Variants in PCGF2 observed in about 807,000 individuals in gnomAD.
The protein encoded by PCGF2 is polycomb group RING finger protein 2.
In PCGF2, 8 loss-of-function variants were observed where a neutral mutation model predicts 36.1. The observed-to-expected ratio is 0.22, with a 90% CI of 0.13 to 0.40. The LOEUF (loss-of-function observed/expected upper bound fraction) is 0.40, where lower values mean the gene tolerates loss of function less well. Ranked by LOEUF, PCGF2 falls within the 10% of genes least tolerant of loss-of-function variation. PCGF2 has a pLI of 1.00. For missense variants in PCGF2, 436 were observed against 475.9 expected (o/e 0.92, Z 0.78); for synonymous variants, 198 against 191.2 (o/e 1.04, Z -0.29).
At chr17:38,745,286 T>C (rs228230) in intron 2 of PCGF2, among the ~76,000 whole-genome samples, 38,921 of 151,832 alleles carry the variant, frequency 0.26, 5,489 homozygotes, top group East Asian at 0.56. Flanking sequence ...GAGCCGAGAT[T>C]GCGCCACTGC....
In PCGF2 at chr17:38,739,286, G is replaced by T; in HGVS notation, c.210-33C>A. On this transcript the variant is annotated intron_variant, in intron 4 of 10. Coordinates refer to ENST00000620225, the MANE Select transcript of PCGF2 (RefSeq NM_007144.3). This position sits in a 1 kb window ranked among gnomAD's most constrained non-coding sequence, Gnocchi z 4.0. ...AAAATGGACAGGGCTTATCAGCAAT[G>T]CCTTCTCCAGAGCGCTCCGACCTCG... is the stretch of plus-strand genomic sequence containing the variant. 1 of 1,596,762 alleles carries T rather than the reference G, an allele frequency of 6.3e-7. No homozygotes were observed. Among genetic ancestry groups the T allele is most frequent in the Non-Finnish European group, 8.6e-7 (1 of 1,164,788 alleles).
At chr17:38,737,320 AC>A (rs1906849006) in intron 9 of PCGF2, among the ~76,000 whole-genome samples, 2 of 151,642 alleles carry the variant, frequency 1.3e-5, no homozygotes, top group Admixed American at 1.3e-4. Context: ...AAAATTAGCC[AC>A]GTGTGGTGGC....
intron 9 of PCGF2, among the ~76,000 whole-genome samples, chr17:38,736,527 C>T (rs1297770485): frequency 1.3e-5 from 2 of 152,050 alleles, no homozygotes; most frequent in East Asian, 1.9e-4. Context: ...TGGAATCACC[C>T]AGGGAGCTTT....
intron 9 of PCGF2, among the ~76,000 whole-genome samples, chr17:38,737,714 C>A (rs1906873628): frequency 6.6e-6 from 1 of 151,740 alleles, no homozygotes; most frequent in Non-Finnish European, 1.5e-5. Flanking sequence ...GAGTTTAAGA[C>A]CAGCCTGGCC....
rs779556080 is a variant in PCGF2, at chr17:38,740,429, T to C, written c.-27A>G. On this transcript the variant is annotated 5_prime_UTR_variant, in exon 3 of 11. Transcript: ENST00000620225. Reference sequence around the variant, plus strand: ...ATTCCGGGGTCGGGGGTGGGGGGACTGGGGAGCGTTGCCCTGGGAAACGGA... The same window carrying C: ...ATTCCGGGGTCGGGGGTGGGGGGACCGGGGAGCGTTGCCCTGGGAAACGGA... 3 of 677,254 alleles carry C rather than the reference T, an allele frequency of 4.4e-6. No homozygotes were observed. The highest frequency in any genetic ancestry group is 4.8e-6 in the Non-Finnish European group (2 of 415,296). 42.0% of individuals were successfully genotyped at this position (677,254 alleles called of 1,614,324 possible).
intron 2 of PCGF2, among the ~76,000 whole-genome samples, chr17:38,746,280 T>G (rs1907529256): frequency 6.8e-6 from 1 of 147,096 alleles, no homozygotes; most frequent in African/African-American, 2.5e-5. Context: ...TCACACTCAC[T>G]ACACACAAGG....
In PCGF2 at chr17:38,740,276, C is replaced by T; in HGVS notation, c.112+15G>A. 6.2e-7 allele frequency: 1 copy of T among 1,610,214 alleles called. No individual in the cohort carries two copies. Among genetic ancestry groups the T allele is most frequent in the Non-Finnish European group, 8.5e-7 (1 of 1,176,454 alleles). On this transcript the variant is annotated intron_variant, in intron 3 of 10. Transcript: ENST00000620225. ...AGGCTGCCCACCCTGAGCAGCTCCC[C>T]TCCCCCCAACTCACAGGAATGCAGG...
At chr17:38,743,460 G>C (rs1811251) in intron 2 of PCGF2, among the ~76,000 whole-genome samples, 1 of 151,610 alleles carries the variant, frequency 6.6e-6, no homozygotes, top group Non-Finnish European at 1.5e-5. Flanking sequence ...CCCTCACCCA[G>C]TCACTTCCCC....
At position 38,734,332 on chromosome 17, in the gene PCGF2, C is replaced by G. The variant is rs1019205984; in HGVS notation, c.*891G>C. 8.5e-5 allele frequency: 13 copies of G among 152,418 alleles called. No individual in the cohort carries two copies. The highest frequency in any genetic ancestry group is 1.0e-4 in the Non-Finnish European group (7 of 68,032). 9.4% of individuals were successfully genotyped at this position (152,418 alleles called of 1,614,324 possible). ...CTGTGCTTGTGTGAGGTTAACCCAC[C>G]CCCACTTCCACTCTAGGCCCCAGGT... On this transcript the variant is annotated 3_prime_UTR_variant, in exon 11 of 11. Transcript: ENST00000620225.
upstream of PCGF2, chr17:38,749,454 C>G (rs2143181355): frequency 2.8e-6 from 1 of 357,690 alleles, no homozygotes; most frequent in African/African-American, 2.1e-5. This position sits in a 1 kb window ranked among gnomAD's most constrained non-coding sequence, Gnocchi z 6.5. Context: ...GTGAGGCCGA[C>G]GCCGGGGAAG....
In PCGF2 at chr17:38,738,932, T is replaced by C. The variant is rs1302408425; in HGVS notation, c.317-71A>G. 3.9e-6 allele frequency: 6 copies of C among 1,541,738 alleles called. No homozygotes were observed. In the Admixed American group the frequency reaches 5.0e-5, roughly 13 times the overall value. ...GAGCCCGCCAAGGACCCAGAGATCATGAACTCAGCCAGGTGAGCCCAGCCA... is the reference window on the plus strand; with the variant it reads ...GAGCCCGCCAAGGACCCAGAGATCACGAACTCAGCCAGGTGAGCCCAGCCA... On this transcript the variant is annotated intron_variant, in intron 6 of 10. Transcript: ENST00000620225.
chr17:38,736,648 CGT>C lies in PCGF2; in HGVS notation c.577-480_577-479del, dbSNP rs1567939287. On this transcript the variant is annotated intron_variant, in intron 9 of 10. Coordinates refer to ENST00000620225, the MANE Select transcript of PCGF2 (RefSeq NM_007144.3). Reference sequence around the variant, plus strand: ...AGGAGATCGAGACCATCCTGGCTAACGTGGTGAAACCCCGTCTCTACTAAAAA... The same window carrying C: ...AGGAGATCGAGACCATCCTGGCTAACGGTGAAACCCCGTCTCTACTAAAAA... Among the ~76,000 whole-genome samples, 55 of 151,946 alleles carry C rather than the reference CGT, an allele frequency of 3.6e-4. No individual in the cohort carries two copies. In the South Asian group the frequency reaches 4.4e-3, roughly 12 times the overall value.
At chr17:38,748,991 G>A (rs867546174), upstream of PCGF2, among the ~76,000 whole-genome samples, 2 of 152,166 alleles carry the variant, frequency 1.3e-5, no homozygotes, top group Non-Finnish European at 2.9e-5. Context: ...AATCGCGAGA[G>A]GGGAGTGGAG....
Position 38,734,946 on chromosome 17 carries a change from A to ACC in PCGF2, c.*275_*276dup, listed in dbSNP as rs138572530. The stretch of plus-strand genomic sequence containing the variant: ...CCCCAAAAACAGCAAATTACACAAG[A>ACC]CCCCCCCCAAAAAAAATGAACACCA... On this transcript the variant is annotated 3_prime_UTR_variant, in exon 11 of 11. Transcript: ENST00000620225. 1.3e-4 allele frequency: 33 copies of ACC among 251,382 alleles called. No homozygotes were observed. The highest frequency in any genetic ancestry group is 8.3e-4 in the Admixed American group (15 of 17,982). The allele number at this position is 251,382 out of a possible 1,614,324, so 15.6% of individuals were successfully genotyped here. A position where few individuals can be genotyped will look rare whatever the true frequency, so the allele number is the denominator to read the frequency against.
chr17:38,736,940 C>G (rs1242040585), intron 9 of PCGF2, among the ~76,000 whole-genome samples: 1 of 149,974 alleles, frequency 6.7e-6, no homozygotes, highest in African/African-American at 2.5e-5. Flanking sequence ...CAAGACCAGC[C>G]AAACCAACAT....
intron 2 of PCGF2, among the ~76,000 whole-genome samples, chr17:38,741,883 A>C (rs2143121365): frequency 6.6e-6 from 1 of 152,270 alleles, no homozygotes; most frequent in East Asian, 1.9e-4. Flanking sequence ...GTCCACAAGC[A>C]CACAGGGTCC....
At chr17:38,746,831 C>A (rs973409001) in intron 2 of PCGF2, among the ~76,000 whole-genome samples, 3 of 152,230 alleles carry the variant, frequency 2.0e-5, no homozygotes, top group Non-Finnish European at 4.4e-5. Flanking sequence ...CCAGGGGAGC[C>A]CGTGGGAAAA....
chr17:38,741,337 A>C (rs2143117941), intron 2 of PCGF2, among the ~76,000 whole-genome samples: 1 of 152,296 alleles, frequency 6.6e-6, no homozygotes, highest in African/African-American at 2.4e-5. Flanking sequence ...CCACATTTAA[A>C]GCATCCTAGG....
chr17:38,735,029 G>A lies in PCGF2; in HGVS notation c.*194C>T, dbSNP rs984748425. The A allele has an allele frequency of 2.5e-6, 1 of 406,784 alleles. No individual in the cohort carries two copies. Among genetic ancestry groups the A allele is most frequent in the African/African-American group, 2.1e-5 (1 of 48,498 alleles). 25.2% of individuals were successfully genotyped at this position (406,784 alleles called of 1,614,324 possible). ...TTTCCTGTGGCATTTAAATTAATCTGGTTGGTCCATAGAAAATAAGTATGT... is the reference window on the plus strand; with the variant it reads ...TTTCCTGTGGCATTTAAATTAATCTAGTTGGTCCATAGAAAATAAGTATGT... On this transcript the variant is annotated 3_prime_UTR_variant, in exon 11 of 11. Coordinates refer to ENST00000620225, the MANE Select transcript of PCGF2 (RefSeq NM_007144.3).
Sources: allele counts gnomAD v4.1 joint callset (sites outside exome capture counted in the v4.1 genomes callset), GRCh38; gene constraint gnomAD v4.1.1; non-coding constraint Gnocchi (gnomAD v3.1); transcripts MANE v1.5; gene names NCBI Gene and HGNC (gene_info 2026-07-23, HGNC 2026-07-21).